The following DYNC1I1 variants were observed in gnomAD, a reference collection of about 807,000 sequenced individuals.
The protein encoded by DYNC1I1 is cytoplasmic dynein 1 intermediate chain 1.
DYNC1I1 carries 43 observed loss-of-function variants against 86.6 expected under a neutral mutation model. The observed-to-expected ratio is 0.50, with a 90% confidence interval of 0.39 to 0.64. The LOEUF is 0.64. DYNC1I1 is among the 30% of genes least tolerant of loss of function. The pLI is 0.00. For missense variants in DYNC1I1, 604 were observed against 788.8 expected (o/e 0.77, Z 2.81); for synonymous variants, 262 against 283.7 (o/e 0.92, Z 0.77).
intron 6 of DYNC1I1, among the ~76,000 whole-genome samples, chr7:95,891,556 A>G (rs1172935572): frequency 6.6e-6 from 1 of 152,220 alleles, no homozygotes; most frequent in Non-Finnish European, 1.5e-5. Context: ...TGGTTCACAA[A>G]TGTGGGAGAA....
chr7:95,894,459 G>A (rs146437376), intron 6 of DYNC1I1, among the ~76,000 whole-genome samples: 1 of 1,684 alleles, frequency 5.9e-4, no homozygotes, highest in Non-Finnish European at 7.5e-3. Context: ...ACCTGAATTT[G>A]GGGGGGGGAC....
chr7:95,873,033 G>A (rs1790214427), intron 6 of DYNC1I1, among the ~76,000 whole-genome samples: 2 of 152,260 alleles, frequency 1.3e-5, no homozygotes, highest in Admixed American at 1.3e-4. Flanking sequence ...GTTCCCCCTG[G>A]GGGAATGAGA....
chr7:95,777,770 A>G lies in DYNC1I1; in HGVS notation c.-10+4997A>G, dbSNP rs139598711. Among the ~76,000 whole-genome samples, 15 of 152,300 alleles carry G rather than the reference A, an allele frequency of 9.8e-5. No homozygotes were observed. In the East Asian group the frequency reaches 2.9e-3, roughly 29 times the overall value. ...CTCAAGCACTATAGAGGACGATTGT[A>G]CTTGATCAACAGACCTGCCTGGTAA... On this transcript the variant is annotated intron_variant, in intron 1 of 16. Transcript: ENST00000447467.
intron 5 of DYNC1I1, among the ~76,000 whole-genome samples, chr7:95,834,989 T>A (rs1161816935): frequency 7.1e-6 from 1 of 141,674 alleles, no homozygotes; most frequent in Non-Finnish European, 1.5e-5. Context: ...TGCTCTGATT[T>A]TAGTTATTTC....
At chr7:96,081,805 GT>G (rs1226556289) in intron 16 of DYNC1I1, among the ~76,000 whole-genome samples, 1 of 152,158 alleles carries the variant, frequency 6.6e-6, no homozygotes, top group Non-Finnish European at 1.5e-5. Context: ...ATATGGTATA[GT>G]TGATTATGTT....
intron 1 of DYNC1I1, among the ~76,000 whole-genome samples, chr7:95,788,945 T>G (rs1034651134): frequency 6.6e-5 from 10 of 152,208 alleles, no homozygotes; most frequent in Non-Finnish European, 1.2e-4. Context: ...GATATAATTC[T>G]TCCTCCATTT....
At chr7:95,969,572 A>G (rs1026632342) in intron 6 of DYNC1I1, among the ~76,000 whole-genome samples, 1 of 152,192 alleles carries the variant, frequency 6.6e-6, no homozygotes, top group African/African-American at 2.4e-5. Context: ...CTGTCCTTCC[A>G]TGCAAGCTGA....
chr7:96,097,428 C>T, intron 16 of DYNC1I1, 55 bp from the exon 17 acceptor site: 1 of 1,601,716 alleles, frequency 6.2e-7, no homozygotes, highest in Non-Finnish European at 8.5e-7. Context: ...GGCTTCAAGG[C>T]TTTCAGACAT....
rs912814858 is a variant in DYNC1I1 at position 95,772,697 on chromosome 7, C to T, written c.-86C>T. On this transcript the variant is annotated 5_prime_UTR_variant, in exon 1 of 17. Coordinates refer to ENST00000447467, the MANE Select transcript of DYNC1I1 (RefSeq NM_001135556.2). ...CGGCCCCGCCACCTTCGGGAGCCGCCTGCACCAACGCTGCCGCCGCCCAGG... is the reference window on the plus strand; with the variant it reads ...CGGCCCCGCCACCTTCGGGAGCCGCTTGCACCAACGCTGCCGCCGCCCAGG... The T allele has an allele frequency of 2.0e-5, 3 of 152,804 alleles. No homozygotes were observed. The highest frequency in any genetic ancestry group is 7.2e-5 in the African/African-American group (3 of 41,558). The allele number at this position is 152,804 out of a possible 1,614,324, so 9.5% of individuals were successfully genotyped here.
chr7:96,036,418 T>C (rs969546499), intron 13 of DYNC1I1, among the ~76,000 whole-genome samples: 3 of 152,176 alleles, frequency 2.0e-5, no homozygotes, highest in Non-Finnish European at 4.4e-5. Flanking sequence ...ATATATAGTT[T>C]AGGATGGTAA....
At chr7:95,825,677 C>G (rs1795189099) in intron 4 of DYNC1I1, among the ~76,000 whole-genome samples, 1 of 152,138 alleles carries the variant, frequency 6.6e-6, no homozygotes, top group East Asian at 1.9e-4. Flanking sequence ...CTACAGATGC[C>G]TGGGTCCCAC....
chr7:96,002,318 A>C (rs1794031979), intron 10 of DYNC1I1, among the ~76,000 whole-genome samples: 1 of 152,154 alleles, frequency 6.6e-6, no homozygotes, highest in Non-Finnish European at 1.5e-5. Flanking sequence ...GACAATTCCA[A>C]AGTTCTCTCA....
chr7:96,106,918 A>G (rs965073158), intron 16 of DYNC1I1, among the ~76,000 whole-genome samples: 2 of 152,150 alleles, frequency 1.3e-5, no homozygotes, highest in South Asian at 2.1e-4. Context: ...GGTTCTATAA[A>G]CTTTTTTTAT....
In DYNC1I1 at chr7:95,850,108, GAA is replaced by G. The variant is rs1014281492; in HGVS notation, c.375-19774_375-19773del. On this transcript the variant is annotated intron_variant, in intron 5 of 16. Coordinates refer to ENST00000447467, the MANE Select transcript of DYNC1I1 (RefSeq NM_001135556.2). ...TTATTATTTCTGAAGGTTTTTTAGTGAAGTCTTTAGGGTTTTCTATATAAAAG... is the reference window on the plus strand; with the variant it reads ...TTATTATTTCTGAAGGTTTTTTAGTGGTCTTTAGGGTTTTCTATATAAAAG... Among the ~76,000 whole-genome samples, 60 of 152,176 alleles carry G rather than the reference GAA, an allele frequency of 3.9e-4. 1 individual carries two copies. Among genetic ancestry groups the G allele is most frequent in the African/African-American group, 1.4e-3 (57 of 41,538 alleles).
At chr7:96,027,431 G>A (rs1456969538) in intron 10 of DYNC1I1, among the ~76,000 whole-genome samples, 4 of 152,182 alleles carry the variant, frequency 2.6e-5, no homozygotes, top group Non-Finnish European at 5.9e-5. Flanking sequence ...CCTACAAAAT[G>A]TACTGCCCAG....
chr7:95,877,010 T>G (rs1003583683), intron 6 of DYNC1I1, among the ~76,000 whole-genome samples: 1 of 152,350 alleles, frequency 6.6e-6, no homozygotes, highest in Admixed American at 6.5e-5. Context: ...AACAGGAAGA[T>G]TCTATGGTAT....
chr7:96,028,572 G>C (rs1794736900), intron 11 of DYNC1I1, among the ~76,000 whole-genome samples: 1 of 152,174 alleles, frequency 6.6e-6, no homozygotes, highest in Non-Finnish European at 1.5e-5. Flanking sequence ...AAGGCCACCA[G>C]TGAAGAGAAA....
chr7:96,072,479 C>T (rs1790199208), intron 14 of DYNC1I1, among the ~76,000 whole-genome samples: 1 of 152,020 alleles, frequency 6.6e-6, no homozygotes, highest in Non-Finnish European at 1.5e-5. Flanking sequence ...TTTACAGTAA[C>T]TTGCTGTGGA....
At chr7:96,038,672 G>A (rs1216450676) in intron 13 of DYNC1I1, among the ~76,000 whole-genome samples, 2 of 152,106 alleles carry the variant, frequency 1.3e-5, no homozygotes, top group East Asian at 1.9e-4. Context: ...TCTGTCTTCT[G>A]TTTTCAGTAA....
Sources: allele counts gnomAD v4.1 joint callset (sites outside exome capture counted in the v4.1 genomes callset), GRCh38; gene constraint gnomAD v4.1.1; transcripts MANE v1.5; gene names NCBI Gene and HGNC (gene_info 2026-07-23, HGNC 2026-07-21).